Variants in NAV2 observed in about 807,000 individuals in gnomAD.
The protein encoded by NAV2 is helicase, APC down-regulated 1.
Under a neutral mutation model 223.2 loss-of-function variants are expected in NAV2, and 54 were observed. The ratio of observed to expected loss-of-function variants is 0.24; its 90% CI spans 0.19 to 0.30. The LOEUF (loss-of-function observed/expected upper bound fraction) is 0.30. NAV2 is among the 10% of genes least tolerant of loss of function. The pLI, the probability that NAV2 is intolerant of heterozygous loss-of-function variation, is 1.00. For synonymous variants in NAV2, 1,279 were observed against 1,239.3 expected (o/e 1.03, Z -0.67); for missense variants, 2,806 against 3,147.5 (o/e 0.89, Z 2.60).
At chr11:19,716,101 G>A (rs1213655061) in intron 1 of NAV2, among the ~76,000 whole-genome samples, 4 of 152,154 alleles carry the variant, frequency 2.6e-5, no homozygotes, top group African/African-American at 9.7e-5. Flanking sequence ...GACTGTGTCT[G>A]ACTGGCCATC....
At chr11:19,688,343 C>T (rs776024918) in intron 1 of NAV2, among the ~76,000 whole-genome samples, 71 of 152,160 alleles carry the variant, frequency 4.7e-4, no homozygotes, top group Non-Finnish European at 8.7e-4. Flanking sequence ...TAATCTTATC[C>T]ATTCCAACAA....
chr11:19,701,264 C>T (rs1354205147), intron 1 of NAV2, among the ~76,000 whole-genome samples: 2 of 151,972 alleles, frequency 1.3e-5, no homozygotes, highest in East Asian at 3.9e-4. Flanking sequence ...AAAATGGGGT[C>T]GTGGAGATCA....
chr11:19,876,728 C>T (rs1484611410), intron 4 of NAV2, among the ~76,000 whole-genome samples: 1 of 151,810 alleles, frequency 6.6e-6, no homozygotes, highest in Non-Finnish European at 1.5e-5. Flanking sequence ...TGTGAACGTG[C>T]CTACTTTTTA....
intron 1 of NAV2, among the ~76,000 whole-genome samples, chr11:19,543,457 C>T (rs1230326513): frequency 1.4e-4 from 22 of 152,162 alleles, no homozygotes; most frequent in Admixed American, 1.4e-3. Flanking sequence ...GGTCCTGTAT[C>T]TATTCTTTTT....
chr11:19,801,450 T>C (rs1436864046), intron 1 of NAV2, among the ~76,000 whole-genome samples: 1 of 152,234 alleles, frequency 6.6e-6, no homozygotes, highest in African/African-American at 2.4e-5. Context: ...CGATACAAAG[T>C]GTGTCCTCAC....
At chr11:19,779,296 G>A (rs946592903) in intron 1 of NAV2, among the ~76,000 whole-genome samples, 5 of 152,194 alleles carry the variant, frequency 3.3e-5, no homozygotes, top group Admixed American at 2.0e-4. Context: ...TTTCTGTCCC[G>A]TGTATCCCAC....
intron 1 of NAV2, among the ~76,000 whole-genome samples, chr11:19,567,558 C>T (rs2045306420): frequency 6.6e-6 from 1 of 152,196 alleles, no homozygotes; most frequent in Admixed American, 6.5e-5. Flanking sequence ...TCTAGGCTTT[C>T]TGCCTCCCTG....
intron 1 of NAV2, among the ~76,000 whole-genome samples, chr11:19,430,945 A>C (rs1851016343): frequency 6.6e-6 from 1 of 152,252 alleles, no homozygotes; most frequent in Non-Finnish European, 1.5e-5. Flanking sequence ...AACATGGGCT[A>C]CTTGCCACCA....
chr11:19,890,656 C>G (rs72909166), intron 5 of NAV2, among the ~76,000 whole-genome samples: 409 of 152,334 alleles, frequency 2.7e-3, no homozygotes, highest in Non-Finnish European at 4.7e-3. Flanking sequence ...AGGCCCAGAT[C>G]TTCACCTGCA....
At chr11:19,675,516 G>C (rs1281381757) in intron 1 of NAV2, among the ~76,000 whole-genome samples, 2 of 152,208 alleles carry the variant, frequency 1.3e-5, no homozygotes, top group African/African-American at 4.8e-5. Context: ...TTCACTGTCT[G>C]TGAGCTCCTG....
chr11:20,085,340 C>T (rs1408583113), intron 26 of NAV2, among the ~76,000 whole-genome samples: 2 of 152,136 alleles, frequency 1.3e-5, no homozygotes, highest in Admixed American at 1.3e-4. Flanking sequence ...AAGTACAACA[C>T]AAAGTTCCTA....
intron 12 of NAV2, among the ~76,000 whole-genome samples, chr11:20,037,178 G>A (rs1004655306): frequency 6.6e-6 from 1 of 151,652 alleles, no homozygotes; most frequent in African/African-American, 2.4e-5. Context: ...CATCTTTGGC[G>A]AACCCTTGGA....
chr11:20,052,181 TG>T lies in NAV2; in HGVS notation c.4481+851del, dbSNP rs139021105. ...AAGCATTAAGTGCTTTCGCATAAAA[TG>T]GGACTTGGAATGAAATGTTTCATTG... On this transcript the variant is annotated intron_variant, in intron 17 of 37. Transcript: ENST00000349880. 9.5e-3 allele frequency among the ~76,000 whole-genome samples: 1,451 copies of T among 152,368 alleles called. 25 individuals carry two copies. Among genetic ancestry groups the T allele is most frequent in the African/African-American group, 0.033 (1,363 of 41,586 alleles).
At chr11:19,408,221 T>A (rs1465249169) in intron 1 of NAV2, among the ~76,000 whole-genome samples, 1 of 152,180 alleles carries the variant, frequency 6.6e-6, no homozygotes, top group Non-Finnish European at 1.5e-5. Context: ...CCAATACACA[T>A]TGAAGCTTTA....
intron 1 of NAV2, among the ~76,000 whole-genome samples, chr11:19,627,027 C>G (rs1478688275): frequency 2.0e-5 from 3 of 152,180 alleles, no homozygotes; most frequent in African/African-American, 7.2e-5. Context: ...AGTTTACCCT[C>G]AGGTGCTAAA....
At chr11:19,461,151 A>G (rs1852142907) in intron 1 of NAV2, among the ~76,000 whole-genome samples, 1 of 151,480 alleles carries the variant, frequency 6.6e-6, no homozygotes, top group Non-Finnish European at 1.5e-5. Flanking sequence ...GTTGGCAACT[A>G]CAGTGCTGAG....
At chr11:19,936,714 C>A (rs2707078) in intron 7 of NAV2, among the ~76,000 whole-genome samples, 1 of 152,170 alleles carries the variant, frequency 6.6e-6, no homozygotes, top group Admixed American at 6.5e-5. Flanking sequence ...AGTGTGGGTA[C>A]AGAGTCCGCT....
chr11:19,692,757 T>C (rs1232889309), intron 1 of NAV2, among the ~76,000 whole-genome samples: 2 of 152,168 alleles, frequency 1.3e-5, no homozygotes, highest in African/African-American at 2.4e-5. Context: ...GGCATCGTTC[T>C]AGACTCAGGG....
intron 1 of NAV2, among the ~76,000 whole-genome samples, chr11:19,604,844 A>G (rs1225869368): frequency 6.6e-6 from 1 of 152,038 alleles, no homozygotes; most frequent in Non-Finnish European, 1.5e-5. Context: ...TAGTGAATGA[A>G]TCTCATGAGA....
Sources: allele counts gnomAD v4.1 joint callset (sites outside exome capture counted in the v4.1 genomes callset), GRCh38; gene constraint gnomAD v4.1.1; transcripts MANE v1.5; gene names NCBI Gene and HGNC (gene_info 2026-07-23, HGNC 2026-07-21).